ERI1: variants seen among roughly 807,000 people sequenced by gnomAD.
ERI1 encodes the protein exoribonuclease 1, also known as 3'-5' exoribonuclease 1.
ERI1 carries 39 observed loss-of-function variants against 39.7 expected under a neutral mutation model. The observed-to-expected ratio is 0.98, with a 90% confidence interval of 0.76 to 1.28. The LOEUF is 1.28. ERI1 is among the 50% of genes most tolerant of loss of function. ERI1 has a pLI of 0.00. For missense variants in ERI1, 581 were observed against 416.9 expected (o/e 1.39, Z -3.43); for synonymous variants, 204 against 149.6 (o/e 1.36, Z -2.65).
At chr8:9,086,027 A>C (rs1340106927) in intron 3 of ERI1, among the ~76,000 whole-genome samples, 1 of 152,114 alleles carries the variant, frequency 6.6e-6, no homozygotes, top group African/African-American at 2.4e-5. Flanking sequence ...CAGAAAAGAG[A>C]ATTTTATCCT....
At chr8:9,079,074 G>A (rs1374491078) in intron 3 of ERI1, among the ~76,000 whole-genome samples, 3 of 152,202 alleles carry the variant, frequency 2.0e-5, no homozygotes, top group Non-Finnish European at 4.4e-5. Context: ...ACAGGATGTT[G>A]AAAGGAAAAT....
At chr8:9,036,565 A>G (rs1797851372), downstream of ERI1, among the ~76,000 whole-genome samples, 1 of 152,256 alleles carries the variant, frequency 6.6e-6, no homozygotes, top group Non-Finnish European at 1.5e-5. Context: ...CTGGGGAGCC[A>G]AAACATTTGT....
chr8:9,068,902 G>A (rs1383367131), intron 3 of ERI1, among the ~76,000 whole-genome samples: 1 of 152,042 alleles, frequency 6.6e-6, no homozygotes, highest in Non-Finnish European at 1.5e-5. Context: ...CTGCAGCGTT[G>A]ACTCCCTAGG....
intron 3 of ERI1, among the ~76,000 whole-genome samples, chr8:9,064,729 G>C (rs1227561283): frequency 6.6e-6 from 1 of 152,098 alleles, no homozygotes; most frequent in African/African-American, 2.4e-5. Context: ...ACGGACCAAA[G>C]AGCAGGAGGA....
chr8:9,035,694 A>G (rs575077980), downstream of ERI1, among the ~76,000 whole-genome samples: 2 of 152,370 alleles, frequency 1.3e-5, no homozygotes, highest in African/African-American at 4.8e-5. Context: ...TCCACAGCCC[A>G]TGGATCAAGT....
chr8:9,003,294 T>C, intron 1 of ERI1, 123 bp downstream of exon 1: 1 of 518,558 alleles, frequency 1.9e-6, no homozygotes. Context: ...GACCCCAGCC[T>C]CTTCCTCGGT....
At chr8:9,071,674 C>T (rs1799055907) in intron 3 of ERI1, among the ~76,000 whole-genome samples, 1 of 152,196 alleles carries the variant, frequency 6.6e-6, no homozygotes, top group Non-Finnish European at 1.5e-5. Flanking sequence ...CTCTATATGG[C>T]CGATGCCTTC....
At chr8:9,066,144 TCCACCTTCTTCCTCCTCCTCTTCCTCC>T (rs956497176) in intron 3 of ERI1, among the ~76,000 whole-genome samples, 1 of 152,214 alleles carries the variant, frequency 6.6e-6, no homozygotes, top group African/African-American at 2.4e-5. Context: ...CTTCCTTGCC[TCCACCTTCTTCCTCCTCCTCTTCCTCC>T]CCACCTTCTT....
intron 3 of ERI1, among the ~76,000 whole-genome samples, chr8:9,057,670 A>G (rs1016891992): frequency 4.6e-5 from 7 of 151,300 alleles, no homozygotes; most frequent in Non-Finnish European, 1.0e-4. Context: ...AGAGGAAGAA[A>G]GTAAACATCC....
At position 9,015,722 on chromosome 8, in the gene ERI1, C is replaced by CAAAAAAAAAAAAAA. The variant is rs758835506; in HGVS notation, c.499-594_499-581dup. Reference sequence around the variant, plus strand: ...GGGAGACAGAGCGAGACTCTGTCTCCAAAAAAAAAAAAAAAAAAAGAGACC... The same window carrying CAAAAAAAAAAAAAA: ...GGGAGACAGAGCGAGACTCTGTCTCCAAAAAAAAAAAAAAAAAAAAAAAAAAAAAAAAAGAGACC... On this transcript the variant is annotated intron_variant, in intron 3 of 6. Transcript: ENST00000250263. 2.6e-3 allele frequency among the ~76,000 whole-genome samples: 148 copies of CAAAAAAAAAAAAAA among 56,562 alleles called. 12 individuals are homozygous for CAAAAAAAAAAAAAA. The highest frequency in any genetic ancestry group is 0.012 in the African/African-American group (143 of 12,254). 37.1% of individuals were successfully genotyped at this position (56,562 alleles called of 152,430 possible).
chr8:9,037,520 C>T (rs1465591611), downstream of ERI1, among the ~76,000 whole-genome samples: 4 of 151,638 alleles, frequency 2.6e-5, no homozygotes, highest in Non-Finnish European at 5.9e-5. Flanking sequence ...TTCTGTTTCC[C>T]CAACAGGAGT....
chr8:9,012,085 A>G (rs1199832717), intron 3 of ERI1, among the ~76,000 whole-genome samples: 1 of 152,192 alleles, frequency 6.6e-6, no homozygotes, highest in Admixed American at 6.5e-5. Flanking sequence ...CAGAGATTCT[A>G]ATTTAGTTCT....
chr8:9,052,964 A>T (rs1798405644), intron 3 of ERI1, among the ~76,000 whole-genome samples: 1 of 152,164 alleles, frequency 6.6e-6, no homozygotes, highest in Admixed American at 6.5e-5. Context: ...AGAAGAGGGG[A>T]ACTGGAGATT....
intron 4 of ERI1, among the ~76,000 whole-genome samples, chr8:9,016,828 G>A (rs1817346338): frequency 6.6e-6 from 1 of 151,958 alleles, no homozygotes; most frequent in South Asian, 2.1e-4. Flanking sequence ...TGGGACTACA[G>A]GCGCGTTGCC....
intron 3 of ERI1, among the ~76,000 whole-genome samples, chr8:9,085,297 C>T (rs931780879): frequency 2.0e-5 from 3 of 152,148 alleles, no homozygotes; most frequent in Non-Finnish European, 4.4e-5. Context: ...CAAACTCTGC[C>T]TCCTGGGTTC....
intron 3 of ERI1, among the ~76,000 whole-genome samples, chr8:9,071,605 T>G (rs951908083): frequency 2.0e-5 from 3 of 152,364 alleles, no homozygotes; most frequent in African/African-American, 7.2e-5. Context: ...GATAATTGAC[T>G]CCTTTAACTT....
intron 3 of ERI1, among the ~76,000 whole-genome samples, chr8:9,076,173 G>T (rs1799206523): frequency 6.6e-6 from 1 of 152,096 alleles, no homozygotes; most frequent in African/African-American, 2.4e-5. Context: ...CAAACCCCTG[G>T]GCTCAAGTGG....
chr8:9,091,580 A>G (rs1220632430), intron 3 of ERI1: 2 of 152,118 alleles, frequency 1.3e-5, no homozygotes, highest in South Asian at 2.1e-4. Flanking sequence ...CTTATTTTGC[A>G]TTTCAATGTC....
At chr8:9,022,899 G>A (rs897414333) in intron 6 of ERI1, among the ~76,000 whole-genome samples, 1 of 152,134 alleles carries the variant, frequency 6.6e-6, no homozygotes, top group Non-Finnish European at 1.5e-5. Flanking sequence ...GCAGAAGTCA[G>A]ACATTATGTT....
Sources: gnomAD v4.1 joint callset for allele counts (sites outside exome capture counted in the v4.1 genomes callset) on GRCh38, gnomAD v4.1.1 for gene constraint, MANE v1.5 for transcripts, NCBI Gene and HGNC (gene_info 2026-07-23, HGNC 2026-07-21) for gene names.